Variants in SKAP1 observed in about 807,000 individuals in gnomAD.
The protein encoded by SKAP1 is src kinase associated phosphoprotein 1, also known as src kinase-associated phosphoprotein 1.
Under a neutral mutation model 58.5 loss-of-function variants are expected in SKAP1, and 44 were observed. The ratio of observed to expected loss-of-function variants is 0.75; its 90% confidence interval spans 0.59 to 0.97. The LOEUF (loss-of-function observed/expected upper bound fraction) is 0.97, where lower values mean the gene tolerates loss of function less well. SKAP1 is among the 50% of genes least tolerant of loss of function. The pLI is 0.00. For synonymous variants in SKAP1, 127 were observed against 149.7 expected (o/e 0.85, Z 1.11); for missense variants, 390 against 435.2 (o/e 0.90, Z 0.92).
intron 4 of SKAP1, among the ~76,000 whole-genome samples, chr17:48,334,467 T>C (rs182920774): frequency 1.3e-5 from 2 of 151,986 alleles, no homozygotes; most frequent in African/African-American, 2.4e-5. Context: ...ATATGCATAG[T>C]AGTAAATAGC....
At chr17:48,377,965 C>T (rs2067171472) in intron 2 of SKAP1, among the ~76,000 whole-genome samples, 1 of 152,190 alleles carries the variant, frequency 6.6e-6, no homozygotes, top group South Asian at 2.1e-4. Context: ...CCTGTGTTCC[C>T]TATTTCAATG....
chr17:48,409,488 A>G (rs1040782366), intron 1 of SKAP1, among the ~76,000 whole-genome samples: 50 of 152,104 alleles, frequency 3.3e-4, no homozygotes, highest in African/African-American at 1.1e-3. Flanking sequence ...ATCATGGTGA[A>G]ACCCTGTCTC....
intron 4 of SKAP1, among the ~76,000 whole-genome samples, chr17:48,335,473 T>G (rs2066556087): frequency 6.6e-6 from 1 of 152,028 alleles, no homozygotes; most frequent in African/African-American, 2.4e-5. Flanking sequence ...CTGTAAAAAT[T>G]TATTCCATAG....
At chr17:48,292,292 C>T (rs934845575) in intron 4 of SKAP1, among the ~76,000 whole-genome samples, 1 of 152,084 alleles carries the variant, frequency 6.6e-6, no homozygotes, top group South Asian at 2.1e-4. Context: ...ATTGGTCAAT[C>T]GTTTAGTCAT....
At chr17:48,410,634 G>A (rs1264060709) in intron 1 of SKAP1, among the ~76,000 whole-genome samples, 2 of 151,926 alleles carry the variant, frequency 1.3e-5, no homozygotes, top group Non-Finnish European at 2.9e-5. Context: ...CATGTCAAAA[G>A]GGGCGCAGGA....
At chr17:48,429,437 T>C (rs2067889014) in intron 1 of SKAP1, among the ~76,000 whole-genome samples, 1 of 152,148 alleles carries the variant, frequency 6.6e-6, no homozygotes, top group African/African-American at 2.4e-5. Flanking sequence ...CAATGGGAGT[T>C]GGAAGGTGAA....
At chr17:48,246,369 C>T (rs1176539846) in intron 4 of SKAP1, among the ~76,000 whole-genome samples, 2 of 152,200 alleles carry the variant, frequency 1.3e-5, no homozygotes, top group East Asian at 3.8e-4. Context: ...CTACATTTCC[C>T]CACACCTACA....
chr17:48,396,080 T>C (rs1424685153), intron 2 of SKAP1, among the ~76,000 whole-genome samples: 2 of 152,340 alleles, frequency 1.3e-5, no homozygotes, highest in East Asian at 3.8e-4. Context: ...TCAGAAAATA[T>C]ATTATAAAGG....
intron 1 of SKAP1, among the ~76,000 whole-genome samples, chr17:48,429,091 C>T (rs78035627): frequency 0.13 from 20,484 of 152,156 alleles, 1,729 homozygotes; most frequent in Non-Finnish European, 0.19. Flanking sequence ...AAAAATACTG[C>T]TTGCCAAAAA....
intron 3 of SKAP1, among the ~76,000 whole-genome samples, chr17:48,353,194 G>C (rs2066825804): frequency 6.6e-6 from 1 of 152,054 alleles, no homozygotes; most frequent in Non-Finnish European, 1.5e-5. Context: ...TTTCATGCTT[G>C]CAAAATTTAG....
At chr17:48,239,204 A>G (rs1388610435) in intron 4 of SKAP1, among the ~76,000 whole-genome samples, 15 of 152,216 alleles carry the variant, frequency 9.9e-5, no homozygotes, top group Non-Finnish European at 8.8e-5. Context: ...AGTGAAATTC[A>G]CATTCCGCAC....
At chr17:48,140,628 T>C (rs1400845275) in intron 11 of SKAP1, among the ~76,000 whole-genome samples, 2 of 152,134 alleles carry the variant, frequency 1.3e-5, no homozygotes, top group East Asian at 3.9e-4. Flanking sequence ...AATCCTGCCT[T>C]CACCTCCATC....
chr17:48,382,143 G>A lies in SKAP1; in HGVS notation c.152+14537C>T, dbSNP rs572578251. Reference sequence around the variant, plus strand: ...CTCTTGACACTGAGCCTGGCACATGGTATGTGTGTGATGAATGTTAGCTGT... The same window carrying A: ...CTCTTGACACTGAGCCTGGCACATGATATGTGTGTGATGAATGTTAGCTGT... On this transcript the variant is annotated intron_variant, in intron 2 of 12. Transcript: ENST00000336915. Among the ~76,000 whole-genome samples the A allele has an allele frequency of 8.6e-5, 13 of 150,900 alleles. No homozygotes were observed. In the East Asian group the frequency reaches 2.2e-3, roughly 26 times the overall value.
intron 4 of SKAP1, among the ~76,000 whole-genome samples, chr17:48,257,287 A>T (rs1287429192): frequency 6.6e-6 from 1 of 152,126 alleles, no homozygotes; most frequent in Non-Finnish European, 1.5e-5. Flanking sequence ...TTTTCTGTTA[A>T]CATATTCTGG....
chr17:48,224,518 T>G (rs1377818080), intron 4 of SKAP1, among the ~76,000 whole-genome samples: 2 of 152,236 alleles, frequency 1.3e-5, no homozygotes, highest in Non-Finnish European at 2.9e-5. Context: ...GCTCTACAAC[T>G]ATTCTTCTAT....
At chr17:48,151,047 C>G (rs1188429147) in intron 11 of SKAP1, among the ~76,000 whole-genome samples, 1 of 149,764 alleles carries the variant, frequency 6.7e-6, no homozygotes, top group Non-Finnish European at 1.5e-5. Context: ...CCCTCCCCTT[C>G]CAAAGACAGA....
intron 1 of SKAP1, among the ~76,000 whole-genome samples, chr17:48,410,343 T>A (rs2067646591): frequency 6.6e-6 from 1 of 152,154 alleles, no homozygotes; most frequent in South Asian, 2.1e-4. Context: ...TAGAAACATA[T>A]AAATCAGGTT....
intron 4 of SKAP1, among the ~76,000 whole-genome samples, chr17:48,319,011 A>AT (rs2066325918): frequency 6.6e-6 from 1 of 152,248 alleles, no homozygotes. Flanking sequence ...AGAAGTACAC[A>AT]TAACAGTAAG....
chr17:48,277,445 G>C (rs2065715015), intron 4 of SKAP1, among the ~76,000 whole-genome samples: 1 of 152,126 alleles, frequency 6.6e-6, no homozygotes, highest in Non-Finnish European at 1.5e-5. Flanking sequence ...TTAATATATG[G>C]AGCATTCCTG....
Sources: gnomAD v4.1 joint callset for allele counts (sites outside exome capture counted in the v4.1 genomes callset) on GRCh38, gnomAD v4.1.1 for gene constraint, MANE v1.5 for transcripts, NCBI Gene and HGNC (gene_info 2026-07-23, HGNC 2026-07-21) for gene names.